The following ARHGEF10 variants were observed in gnomAD, a reference collection of about 807,000 sequenced individuals.
ARHGEF10 encodes Rho guanine nucleotide exchange factor (GEF) 10.
ARHGEF10 carries 140 observed loss-of-function variants against 147.4 expected under a neutral mutation model. The ratio of observed to expected loss-of-function variants is 0.95; its 90% CI spans 0.83 to 1.09. The LOEUF (loss-of-function observed/expected upper bound fraction) is 1.09, where lower values mean the gene tolerates loss of function less well. Ranked by LOEUF, ARHGEF10 falls within the 50% of genes least tolerant of loss-of-function variation. The probability of loss-of-function intolerance (pLI) is 0.00; values close to 1 mark genes in which losing one functional copy is unlikely to be tolerated. For missense variants in ARHGEF10, 2,222 were observed against 1,752.7 expected (o/e 1.27, Z -4.78); for synonymous variants, 902 against 695.8 (o/e 1.30, Z -4.67).
Position 1,854,051 on chromosome 8 carries a change from A to G in ARHGEF10, c.38-3909A>G, listed in dbSNP as rs75148594. On this transcript the variant is annotated intron_variant, in intron 2 of 28. Transcript: ENST00000349830. ...TGAACCTGTCAGGGCTGGTGTCAGA[A>G]CTAAACTTAGGACCCCAAATGCTGG... is the stretch of plus-strand genomic sequence containing the variant. 4.8e-3 allele frequency among the ~76,000 whole-genome samples: 735 copies of G among 152,342 alleles called. 3 individuals are homozygous for G. The highest frequency in any genetic ancestry group is 0.017 in the African/African-American group (690 of 41,582).
chr8:1,836,886 G>C (rs1197420262), intron 1 of ARHGEF10, among the ~76,000 whole-genome samples: 1 of 152,112 alleles, frequency 6.6e-6, no homozygotes, highest in East Asian at 1.9e-4. Flanking sequence ...GGTTTATCAG[G>C]GGTTTCCACT....
chr8:1,898,538 C>A lies in ARHGEF10; in HGVS notation c.1650+13C>A. On this transcript the variant is annotated intron_variant, in intron 15 of 28. Coordinates refer to ENST00000349830, the MANE Select transcript of ARHGEF10 (RefSeq NM_014629.4). ...CCTCCTGCTCCAGGTAAGTGCTTCA[C>A]GGAGACCTCCTCAAGCTAGTCCTCT... The A allele has an allele frequency of 6.2e-7, 1 of 1,610,230 alleles. No homozygotes were observed. The highest frequency in any genetic ancestry group is 2.2e-5 in the East Asian group (1 of 44,816).
chr8:1,903,404 G>A lies in ARHGEF10; in HGVS notation c.1774G>A (p.Glu592Lys), dbSNP rs1243632154. The change falls in exon 16 of 29, where the codon GAA (glutamate) becomes AAA (lysine). Residue 592 changes from glutamate (E) to lysine (K), a missense_variant. Coordinates refer to ENST00000349830, the MANE Select transcript of ARHGEF10 (RefSeq NM_014629.4). ...AAAGAGAGATGCTGATCAACGCTGT[G>A]AAGTGAAGCAAATAGCCAAAGCCAT... Reference protein sequence around the residue: ...ERKRDADQRCEVKQIAKAINE... With the variant: ...ERKRDADQRCKVKQIAKAINE... 1 of 1,614,232 alleles carries A rather than the reference G, an allele frequency of 6.2e-7. No individual in the cohort carries two copies. The highest frequency in any genetic ancestry group is 1.7e-5 in the Admixed American group (1 of 60,034).
At chr8:1,933,568 G>A (rs1349297415) in intron 25 of ARHGEF10, among the ~76,000 whole-genome samples, 1 of 142,146 alleles carries the variant, frequency 7.0e-6, no homozygotes, top group Non-Finnish European at 1.5e-5. Flanking sequence ...CGGGTGGGGG[G>A]TCTTGAGGGC....
In ARHGEF10 at chr8:1,876,713, G is replaced by T; in HGVS notation, c.822G>T (p.Leu274=). Residue 274 remains leucine, a synonymous_variant, in exon 8 of 29, where the codon CTG becomes CTT. Coordinates refer to ENST00000349830, the MANE Select transcript of ARHGEF10 (RefSeq NM_014629.4). The part of the protein sequence containing the change: ...ECKNGIPRSF[L]RSNHKKQLSH... ...AGAATGGGATTCCCAGGTCCTTCCT[G>T]CGCAGCAACCACAAAAAGCAAGTAC... 1 of 1,614,180 alleles carries T rather than the reference G, an allele frequency of 6.2e-7. No individual in the cohort carries two copies. The highest frequency in any genetic ancestry group is 8.5e-7 in the Non-Finnish European group (1 of 1,180,032).
chr8:1,947,952 G>C (rs1814730136), intron 27 of ARHGEF10, among the ~76,000 whole-genome samples: 1 of 152,034 alleles, frequency 6.6e-6, no homozygotes, highest in Non-Finnish European at 1.5e-5. Flanking sequence ...CACCCACCCA[G>C]AAACAGAATG....
rs148496378 is a variant in ARHGEF10 at position 1,878,973 on chromosome 8, G to C, written c.844-1075G>C. ...GGACCGGGGGTGGGAATACTGTGTG[G>C]GGTGCAGACAGGGCGCCCGTGTGTT... On this transcript the variant is annotated intron_variant, in intron 8 of 28. Coordinates refer to ENST00000349830, the MANE Select transcript of ARHGEF10 (RefSeq NM_014629.4). 4.6e-3 allele frequency among the ~76,000 whole-genome samples: 700 copies of C among 152,326 alleles called. 5 individuals are homozygous for C. Among genetic ancestry groups the C allele is most frequent in the African/African-American group, 0.016 (661 of 41,576 alleles).
intron 22 of ARHGEF10, among the ~76,000 whole-genome samples, chr8:1,925,628 A>G (rs1812633223): frequency 6.6e-6 from 1 of 152,108 alleles, no homozygotes. Flanking sequence ...CTGGGCCAGG[A>G]CCCTGGGGTA....
At chr8:1,839,804 G>A (rs1381037327) in intron 1 of ARHGEF10, among the ~76,000 whole-genome samples, 66 of 142,798 alleles carry the variant, frequency 4.6e-4, no homozygotes, top group Non-Finnish European at 7.9e-4. Flanking sequence ...TGTGGGGACT[G>A]TCTTGTGTGG....
chr8:1,836,539 G>T (rs892568226), intron 1 of ARHGEF10, among the ~76,000 whole-genome samples: 3 of 152,294 alleles, frequency 2.0e-5, no homozygotes, highest in East Asian at 3.9e-4. Flanking sequence ...CGGGCTTCAG[G>T]GGGTGGGATG....
At chr8:1,824,466 C>T (rs747679645) in intron 1 of ARHGEF10, among the ~76,000 whole-genome samples, 8 of 151,920 alleles carry the variant, frequency 5.3e-5, no homozygotes, top group African/African-American at 9.7e-5. Flanking sequence ...CTTAGATTTT[C>T]CGGTAAAGGA....
rs535493541 is a variant in ARHGEF10, at chr8:1,945,125, C to T, written c.3223-356C>T. On this transcript the variant is annotated intron_variant, in intron 26 of 28. Coordinates refer to ENST00000349830, the MANE Select transcript of ARHGEF10 (RefSeq NM_014629.4). ...GCCCCATGCCATAGCTTGGAGACAT[C>T]GAGGAAGGTTCCAGCAGGTTCTGAT... Among the ~76,000 whole-genome samples, 8 of 152,324 alleles carry T rather than the reference C, an allele frequency of 5.3e-5. No individual in the cohort carries two copies. In the East Asian group the frequency reaches 1.2e-3, roughly 22 times the overall value.
At chr8:1,837,382 G>A (rs193288364) in intron 1 of ARHGEF10, among the ~76,000 whole-genome samples, 2 of 152,380 alleles carry the variant, frequency 1.3e-5, no homozygotes, top group African/African-American at 4.8e-5. Flanking sequence ...GCCAGGCATA[G>A]AAAGGAGTAA....
intron 1 of ARHGEF10, among the ~76,000 whole-genome samples, chr8:1,842,993 C>T (rs1455137900): frequency 6.6e-6 from 1 of 152,222 alleles, no homozygotes; most frequent in Non-Finnish European, 1.5e-5. Flanking sequence ...GGAAGAAACC[C>T]ATTTGGTTTA....
At position 1,957,188 on chromosome 8, in the gene ARHGEF10, GA is replaced by G; in HGVS notation, c.3962del (p.Lys1321ArgfsTer22). On this transcript the variant is annotated frameshift_variant, in exon 29 of 29. Coordinates refer to ENST00000349830, the MANE Select transcript of ARHGEF10 (RefSeq NM_014629.4). LOFTEE classifies it high-confidence loss of function. ...GGQGHRRVHR[K>X]ARQPHQEELA... ...GGCAGGGCCACCGCCGGGTGCACAGGAAGGCCCGGCAGCCCCACCAGGAAGA... is the reference window on the plus strand; with the variant it reads ...GGCAGGGCCACCGCCGGGTGCACAGGAGGCCCGGCAGCCCCACCAGGAAGA... 6.2e-7 allele frequency: 1 copy of G among 1,612,476 alleles called. No homozygotes were observed.
At chr8:1,886,046 C>A (rs953956793) in intron 11 of ARHGEF10, among the ~76,000 whole-genome samples, 3 of 152,140 alleles carry the variant, frequency 2.0e-5, no homozygotes, top group Non-Finnish European at 2.9e-5. Context: ...TTCACAGAGA[C>A]AGAGTGTGGG....
chr8:1,877,921 C>T (rs891341911), intron 8 of ARHGEF10, among the ~76,000 whole-genome samples: 5 of 152,068 alleles, frequency 3.3e-5, no homozygotes, highest in Non-Finnish European at 7.4e-5. Context: ...TGTTATCCCT[C>T]CGGTCCCCTA....
At chr8:1,857,900 A>ATCTATCTG (rs1171663492) in intron 2 of ARHGEF10, 60 bp from the exon 3 acceptor site, 1 of 1,220,740 alleles carries the variant, frequency 8.2e-7, no homozygotes, top group African/African-American at 1.5e-5. Context: ...CTATCTATCT[A>ATCTATCTG]TCTATCTATC....
chr8:1,865,193 A>T (rs982185479), intron 5 of ARHGEF10, among the ~76,000 whole-genome samples: 1 of 152,246 alleles, frequency 6.6e-6, no homozygotes, highest in African/African-American at 2.4e-5. Flanking sequence ...CTCCTTGGTG[A>T]TGTGATAAGT....
Sources: gnomAD v4.1 joint callset for allele counts (sites outside exome capture counted in the v4.1 genomes callset) on GRCh38, gnomAD v4.1.1 for gene constraint, MANE v1.5 for transcripts, NCBI Gene and HGNC (gene_info 2026-07-23, HGNC 2026-07-21) for gene names.